Variants in SNTG1 observed in about 807,000 individuals in gnomAD.
The protein encoded by SNTG1 is syntrophin gamma 1, also known as gamma-1-syntrophin.
In SNTG1, 39 loss-of-function variants were observed where a neutral mutation model predicts 74.7. That is an observed-to-expected ratio of 0.52 (90% CI 0.40 to 0.68). The LOEUF (loss-of-function observed/expected upper bound fraction) is 0.68, where lower values mean the gene tolerates loss of function less well. SNTG1 is among the 30% of genes least tolerant of loss of function. The pLI is 0.00. For synonymous variants in SNTG1, 254 were observed against 217.1 expected (o/e 1.17, Z -1.49); for missense variants, 685 against 609.5 (o/e 1.12, Z -1.30).
intron 8 of SNTG1, among the ~76,000 whole-genome samples, chr8:50,452,731 C>G (rs6997739): frequency 0.61 from 93,029 of 152,136 alleles, 32,574 homozygotes; most frequent in East Asian, 0.83. Flanking sequence ...TTAACTCTAC[C>G]AGCTTTGAAA....
chr8:50,246,736 A>C (rs2086417682), intron 2 of SNTG1, among the ~76,000 whole-genome samples: 1 of 152,134 alleles, frequency 6.6e-6, no homozygotes, highest in Non-Finnish European at 1.5e-5. Flanking sequence ...CTCTCATGGT[A>C]GGAAGATATC....
At chr8:50,677,822 A>G (rs892912746) in intron 15 of SNTG1, among the ~76,000 whole-genome samples, 1 of 152,030 alleles carries the variant, frequency 6.6e-6, no homozygotes, top group Non-Finnish European at 1.5e-5. Context: ...AGTGGCATAG[A>G]TAGTTTGCAG....
rs200755739 is a variant in SNTG1, at chr8:50,741,605, G to A, written c.1285-10396G>A. On this transcript the variant is annotated intron_variant, in intron 17 of 18. Coordinates refer to ENST00000642720, the MANE Select transcript of SNTG1 (RefSeq NM_018967.5). ...ATTTAGAGCAGTTTTATTCATAATT[G>A]CCCAAACATGGAAACAACCAGCATT... 4.6e-5 allele frequency among the ~76,000 whole-genome samples: 7 copies of A among 151,918 alleles called. No individual in the cohort carries two copies. The East Asian group carries it at 9.7e-4, about 21-fold the overall frequency.
At chr8:50,695,695 T>C (rs2095402443) in intron 15 of SNTG1, among the ~76,000 whole-genome samples, 2 of 152,000 alleles carry the variant, frequency 1.3e-5, no homozygotes, top group South Asian at 2.1e-4. Context: ...CATTGTTTAC[T>C]TCCCATTATA....
At chr8:50,504,977 C>T (rs905463718) in intron 9 of SNTG1, among the ~76,000 whole-genome samples, 1 of 152,104 alleles carries the variant, frequency 6.6e-6, no homozygotes, top group African/African-American at 2.4e-5. Flanking sequence ...TTCTATACCC[C>T]TTAAACAATT....
intron 1 of SNTG1, among the ~76,000 whole-genome samples, chr8:50,067,068 G>C (rs1820961399): frequency 6.6e-6 from 1 of 152,002 alleles, no homozygotes; most frequent in Non-Finnish European, 1.5e-5. Flanking sequence ...CCATTCTGCT[G>C]TCACCAACAG....
intron 1 of SNTG1, among the ~76,000 whole-genome samples, chr8:50,149,626 C>A (rs1177005037): frequency 6.6e-6 from 1 of 152,166 alleles, no homozygotes; most frequent in Non-Finnish European, 1.5e-5. Context: ...CCAGTTTTCC[C>A]AGCACCATTT....
chr8:50,252,983 C>T (rs1423817386), intron 2 of SNTG1, among the ~76,000 whole-genome samples: 2 of 151,984 alleles, frequency 1.3e-5, no homozygotes, highest in African/African-American at 2.4e-5. Flanking sequence ...TAAGATACAC[C>T]CTCAATCCAA....
chr8:50,317,151 A>C (rs1395988378), intron 2 of SNTG1, among the ~76,000 whole-genome samples: 1 of 152,140 alleles, frequency 6.6e-6, no homozygotes, highest in African/African-American at 2.4e-5. Flanking sequence ...GAAATTTGGT[A>C]ATCTCATTAG....
intron 2 of SNTG1, among the ~76,000 whole-genome samples, chr8:50,212,212 C>T (rs984127933): frequency 1.3e-5 from 2 of 152,116 alleles, no homozygotes; most frequent in East Asian, 3.9e-4. Context: ...TGAGGGAAGT[C>T]ATTCAAACAA....
At chr8:50,569,248 G>A (rs996474620) in intron 12 of SNTG1, among the ~76,000 whole-genome samples, 3 of 152,232 alleles carry the variant, frequency 2.0e-5, no homozygotes, top group African/African-American at 7.2e-5. Flanking sequence ...TAATTCTAAA[G>A]AAAAAGCACG....
chr8:49,937,029 A>G (rs1359174057), intron 1 of SNTG1, among the ~76,000 whole-genome samples: 1 of 152,132 alleles, frequency 6.6e-6, no homozygotes, highest in Non-Finnish European at 1.5e-5. Context: ...CTCGCCTGTA[A>G]TTCCAGCTAC....
Position 50,109,282 on chromosome 8 carries a change from G to A in SNTG1, c.-102-63279G>A. Among the ~76,000 whole-genome samples, 2 of 152,156 alleles carry A rather than the reference G, an allele frequency of 1.3e-5. 1 individual carries two copies. Among genetic ancestry groups the A allele is most frequent in the Non-Finnish European group, 2.9e-5 (2 of 68,030 alleles). On this transcript the variant is annotated intron_variant, in intron 1 of 18. Transcript: ENST00000642720. ...GACATAAATAGGCAAATATTTAAATGTACAAGGATACAATTAATACCTAAT... is the reference window on the plus strand; with the variant it reads ...GACATAAATAGGCAAATATTTAAATATACAAGGATACAATTAATACCTAAT...
intron 2 of SNTG1, 24 bp downstream of exon 2, chr8:50,172,659 C>G (rs947476675): frequency 6.6e-6 from 1 of 151,532 alleles, no homozygotes; most frequent in African/African-American, 2.4e-5. Flanking sequence ...TTTGCAATAA[C>G]GTATCATGTG....
chr8:50,044,429 A>G (rs147382708), intron 1 of SNTG1, among the ~76,000 whole-genome samples: 1 of 152,224 alleles, frequency 6.6e-6, no homozygotes, highest in African/African-American at 2.4e-5. Context: ...TTTCAAAAGC[A>G]CATTAAAATA....
At chr8:50,363,593 T>C (rs1156723896) in intron 2 of SNTG1, among the ~76,000 whole-genome samples, 3 of 152,190 alleles carry the variant, frequency 2.0e-5, no homozygotes, top group Non-Finnish European at 2.9e-5. Context: ...ATTCACAGAA[T>C]TGTAAGACAT....
chr8:50,658,685 T>G, intron 15 of SNTG1, 22 bp downstream of exon 15: 1 of 1,553,414 alleles, frequency 6.4e-7, no homozygotes, highest in Non-Finnish European at 8.8e-7. Context: ...ATGTAGTCAG[T>G]ATTTGAATGG....
intron 2 of SNTG1, among the ~76,000 whole-genome samples, chr8:50,227,282 C>T (rs1563767720): frequency 6.6e-6 from 1 of 152,088 alleles, no homozygotes; most frequent in South Asian, 2.1e-4. Context: ...GAATGAGAAA[C>T]TCATGGTGCT....
chr8:50,398,185 C>T (rs2092752604), intron 3 of SNTG1, among the ~76,000 whole-genome samples: 1 of 152,218 alleles, frequency 6.6e-6, no homozygotes, highest in South Asian at 2.1e-4. Flanking sequence ...CATTTATTCT[C>T]CATCTTCTAC....
Sources: gnomAD v4.1 joint callset for allele counts (sites outside exome capture counted in the v4.1 genomes callset) on GRCh38, gnomAD v4.1.1 for gene constraint, MANE v1.5 for transcripts, NCBI Gene and HGNC (gene_info 2026-07-23, HGNC 2026-07-21) for gene names.